The following NEGR1 variants were observed in gnomAD, a reference collection of about 807,000 sequenced individuals.
NEGR1 encodes the protein neuronal growth regulator 1.
In NEGR1, 10 loss-of-function variants were observed where a neutral mutation model predicts 40.9. The observed-to-expected ratio is 0.24, with a 90% CI of 0.15 to 0.42. The LOEUF is 0.42. NEGR1 is among the 10% of genes least tolerant of loss of function. The probability of loss-of-function intolerance (pLI) is 1.00; values close to 1 mark genes in which losing one functional copy is unlikely to be tolerated. For synonymous variants in NEGR1, 185 were observed against 166.8 expected (o/e 1.11, Z -0.84); for missense variants, 352 against 438.9 (o/e 0.80, Z 1.77).
chr1:72,242,928 T>C (rs1654793469), intron 1 of NEGR1, among the ~76,000 whole-genome samples: 2 of 151,626 alleles, frequency 1.3e-5, no homozygotes, highest in Admixed American at 6.6e-5. Context: ...TAATTTCATA[T>C]TTGGAAATCA....
chr1:71,542,216 A>G (rs1274402780), intron 6 of NEGR1, among the ~76,000 whole-genome samples: 1 of 151,710 alleles, frequency 6.6e-6, no homozygotes, highest in East Asian at 2.0e-4. Flanking sequence ...GAAGCCGGGG[A>G]ACCTCTCATG....
At chr1:71,522,859 A>C (rs1473039237) in intron 6 of NEGR1, among the ~76,000 whole-genome samples, 1 of 151,792 alleles carries the variant, frequency 6.6e-6, no homozygotes, top group Admixed American at 6.6e-5. Context: ...AGCCAGATAC[A>C]ATAAAAAACA....
At chr1:71,459,483 A>G (rs555248459) in intron 6 of NEGR1, among the ~76,000 whole-genome samples, 71 of 152,322 alleles carry the variant, frequency 4.7e-4, no homozygotes, top group Admixed American at 1.0e-3. Flanking sequence ...GCTGGCATTT[A>G]AATCCCCTGA....
intron 6 of NEGR1, among the ~76,000 whole-genome samples, chr1:71,480,644 G>T (rs538266520): frequency 6.6e-6 from 1 of 151,960 alleles, no homozygotes; most frequent in South Asian, 2.1e-4. Context: ...CATGATGTCT[G>T]TTGTCAGAGA....
chr1:72,094,972 C>A (rs1557523823), intron 1 of NEGR1, among the ~76,000 whole-genome samples: 1 of 152,086 alleles, frequency 6.6e-6, no homozygotes, highest in Non-Finnish European at 1.5e-5. Flanking sequence ...TTTAATATAG[C>A]AAATTCCACT....
At chr1:71,783,839 C>T (rs75734721) in intron 2 of NEGR1, among the ~76,000 whole-genome samples, 3 of 136,318 alleles carry the variant, frequency 2.2e-5, no homozygotes, top group Non-Finnish European at 4.9e-5. Context: ...TCCATCCACC[C>T]GTCCATCCAT....
chr1:71,536,337 A>C (rs1647512472), intron 6 of NEGR1, among the ~76,000 whole-genome samples: 1 of 151,672 alleles, frequency 6.6e-6, no homozygotes, highest in African/African-American at 2.4e-5. Flanking sequence ...TGGCTTGATG[A>C]AATTCTCTCA....
At chr1:72,151,358 C>A (rs765261546) in intron 1 of NEGR1, among the ~76,000 whole-genome samples, 1 of 151,258 alleles carries the variant, frequency 6.6e-6, no homozygotes, top group Non-Finnish European at 1.5e-5. Context: ...TACTAAGCAA[C>A]GGAGATATAA....
chr1:72,280,650 T>C (rs1261794591), intron 1 of NEGR1, among the ~76,000 whole-genome samples: 1 of 152,218 alleles, frequency 6.6e-6, no homozygotes, highest in Non-Finnish European at 1.5e-5. Flanking sequence ...ATAGTGGCAT[T>C]TGTTATTCAA....
intron 1 of NEGR1, among the ~76,000 whole-genome samples, chr1:72,123,410 T>C (rs1013904770): frequency 2.6e-5 from 4 of 151,670 alleles, no homozygotes; most frequent in Non-Finnish European, 5.9e-5. Flanking sequence ...TTTAAAACCG[T>C]ATAACTAAAA....
intron 4 of NEGR1, 43 bp from the exon 5 acceptor site, chr1:71,611,189 A>C (rs1650237842): frequency 6.4e-7 from 1 of 1,561,810 alleles, no homozygotes; most frequent in African/African-American, 1.4e-5. Context: ...GATAAGTAAA[A>C]ATAATCCTCA....
intron 2 of NEGR1, among the ~76,000 whole-genome samples, chr1:71,802,717 A>G (rs1297014074): frequency 6.6e-6 from 1 of 152,164 alleles, no homozygotes; most frequent in Non-Finnish European, 1.5e-5. Context: ...AGGTTTTAGA[A>G]TGGCTTGGGA....
intron 2 of NEGR1, among the ~76,000 whole-genome samples, chr1:71,839,660 A>T (rs1257956658): frequency 6.6e-6 from 1 of 152,146 alleles, no homozygotes. Context: ...TTGTGATACA[A>T]CAGGCTGCTT....
chr1:72,277,162 T>A (rs966682766), intron 1 of NEGR1, among the ~76,000 whole-genome samples: 19 of 152,118 alleles, frequency 1.2e-4, no homozygotes, highest in African/African-American at 4.3e-4. Context: ...AACGACAGCC[T>A]GAAGATACTT....
chr1:71,781,024 G>C lies in NEGR1; in HGVS notation c.410-4727C>G, dbSNP rs916856023. On this transcript the variant is annotated intron_variant, in intron 2 of 6. Coordinates refer to ENST00000357731, the MANE Select transcript of NEGR1 (RefSeq NM_173808.3). Reference sequence around the variant, plus strand: ...ACTGTTTGTACGATAATGAGCAACTGAGTTTGTGAGTGCACGGCATTATTT... The same window carrying C: ...ACTGTTTGTACGATAATGAGCAACTCAGTTTGTGAGTGCACGGCATTATTT... Among the ~76,000 whole-genome samples the C allele has an allele frequency of 6.6e-5, 10 of 152,296 alleles. No homozygotes were observed. In the East Asian group the frequency reaches 1.2e-3, roughly 18 times the overall value.
intron 1 of NEGR1, among the ~76,000 whole-genome samples, chr1:71,980,629 C>T (rs76150939): frequency 7.2e-4 from 109 of 152,236 alleles, no homozygotes; most frequent in Middle Eastern, 3.4e-3. Flanking sequence ...TCCATGGCTT[C>T]TTCTCATCTA....
At chr1:71,759,781 T>C (rs971458672) in intron 3 of NEGR1, among the ~76,000 whole-genome samples, 1 of 151,628 alleles carries the variant, frequency 6.6e-6, no homozygotes, top group African/African-American at 2.4e-5. Flanking sequence ...GGCTACTTTT[T>C]GTATTTTTAG....
At chr1:72,106,540 A>T (rs898723368) in intron 1 of NEGR1, among the ~76,000 whole-genome samples, 1 of 91,168 alleles carries the variant, frequency 1.1e-5, no homozygotes, top group Admixed American at 1.0e-4. Context: ...AGGCTGGGAG[A>T]AAAAAAAATG....
intron 1 of NEGR1, among the ~76,000 whole-genome samples, chr1:71,939,297 A>G (rs1645938615): frequency 6.6e-6 from 1 of 152,092 alleles, no homozygotes. Context: ...CATGTTATCT[A>G]TTTACTTGAT....
Sources: gnomAD v4.1 joint callset for allele counts (sites outside exome capture counted in the v4.1 genomes callset) on GRCh38, gnomAD v4.1.1 for gene constraint, MANE v1.5 for transcripts, NCBI Gene and HGNC (gene_info 2026-07-23, HGNC 2026-07-21) for gene names.